GLRA3: variants seen among roughly 807,000 people sequenced by gnomAD.
GLRA3 encodes glycine receptor subunit alpha-3.
A neutral mutation model predicts 60.4 loss-of-function variants in GLRA3; 44 were observed. The observed-to-expected ratio is 0.73, with a 90% CI of 0.57 to 0.94. The LOEUF (loss-of-function observed/expected upper bound fraction) is 0.94. Among genes scored for constraint, GLRA3 ranks in the 40% least tolerant of loss-of-function variants. The pLI, the probability that GLRA3 is intolerant of heterozygous loss-of-function variation, is 0.00. For missense variants in GLRA3, 508 were observed against 564.6 expected (o/e 0.90, Z 1.02); for synonymous variants, 223 against 192.9 (o/e 1.16, Z -1.29).
intron 3 of GLRA3, among the ~76,000 whole-genome samples, chr4:174,729,099 G>T (rs1371293248): frequency 1.3e-5 from 2 of 152,140 alleles, no homozygotes; most frequent in African/African-American, 4.8e-5. Context: ...TGTCTTCAGT[G>T]ACCTATATGC....
chr4:174,801,168 T>C (rs1739797351), intron 1 of GLRA3, among the ~76,000 whole-genome samples: 1 of 152,098 alleles, frequency 6.6e-6, no homozygotes, highest in East Asian at 1.9e-4. Context: ...GAGCAACATC[T>C]GTATTTACTC....
At position 174,829,213 on chromosome 4, in the gene GLRA3, G is replaced by A. The variant is rs2111420800; in HGVS notation, c.-402C>T. 1.2e-5 allele frequency: 2 copies of A among 162,520 alleles called. No individual in the cohort carries two copies. The highest frequency in any genetic ancestry group is 1.3e-5 in the Non-Finnish European group (1 of 74,592). The allele number at this position is 162,520 out of a possible 1,614,324, so 10.1% of individuals were successfully genotyped here. A position where few individuals can be genotyped will look rare whatever the true frequency, so the allele number is the denominator to read the frequency against. On this transcript the variant is annotated 5_prime_UTR_variant, in exon 1 of 10. Transcript: ENST00000274093. ...GGACGCCTCTCCACCTGCTCCAAGC[G>A]CCGCCCGCCGGAATCCAGCTCTCCA...
At chr4:174,705,113 C>T (rs756142639) in intron 5 of GLRA3, among the ~76,000 whole-genome samples, 2 of 144,000 alleles carry the variant, frequency 1.4e-5, no homozygotes, top group Non-Finnish European at 3.1e-5. Context: ...ATGTTTGTCC[C>T]TTCATAACTC....
chr4:174,790,984 A>G (rs1739323429), intron 1 of GLRA3, among the ~76,000 whole-genome samples: 1 of 147,384 alleles, frequency 6.8e-6, no homozygotes, highest in South Asian at 2.2e-4. Flanking sequence ...AGCCTGGACC[A>G]CACAGCGAGA....
In GLRA3 at chr4:174,715,483, CT is replaced by C; in HGVS notation, c.574+4del. The C allele has an allele frequency of 7.1e-7, 1 of 1,416,376 alleles. No individual in the cohort carries two copies. Among genetic ancestry groups the C allele is most frequent in the Non-Finnish European group, 9.9e-7 (1 of 1,006,198 alleles). 87.7% of individuals were successfully genotyped at this position (1,416,376 alleles called of 1,614,324 possible). A position where few individuals can be genotyped will look rare whatever the true frequency, so the allele number is the denominator to read the frequency against. Reference sequence around the variant, plus strand: ...TATTTTAAAAAGTAAGTGGTTCATACTTACAGCTTTCCAGTTGCATTATACA... The same window carrying C: ...TATTTTAAAAAGTAAGTGGTTCATACTACAGCTTTCCAGTTGCATTATACA... On this transcript the variant is annotated splice_donor_region_variant and intron_variant, in intron 5 of 9. Coordinates refer to ENST00000274093, the MANE Select transcript of GLRA3 (RefSeq NM_006529.4).
chr4:174,755,877 A>C (rs1047175652), intron 3 of GLRA3, among the ~76,000 whole-genome samples: 1 of 152,108 alleles, frequency 6.6e-6, no homozygotes, highest in African/African-American at 2.4e-5. Flanking sequence ...AACGAATAAA[A>C]ATACACCCAT....
chr4:174,701,580 T>C (rs1735322537), intron 5 of GLRA3, among the ~76,000 whole-genome samples: 1 of 152,218 alleles, frequency 6.6e-6, no homozygotes, highest in Non-Finnish European at 1.5e-5. Flanking sequence ...ATAGCTGCCA[T>C]AGATAGTGAT....
intron 1 of GLRA3, among the ~76,000 whole-genome samples, chr4:174,795,795 TTA>T (rs1739542400): frequency 1.3e-5 from 2 of 152,140 alleles, no homozygotes; most frequent in African/African-American, 4.8e-5. Context: ...GTTCAGTCGA[TTA>T]CTCTGTGTGG....
At chr4:174,675,571 T>A (rs1734086917) in intron 7 of GLRA3, among the ~76,000 whole-genome samples, 1 of 152,140 alleles carries the variant, frequency 6.6e-6, no homozygotes, top group East Asian at 1.9e-4. Flanking sequence ...ACGATTTCCT[T>A]TACAAATTAA....
chr4:174,802,456 G>A (rs143036359), intron 1 of GLRA3, among the ~76,000 whole-genome samples: 7 of 152,102 alleles, frequency 4.6e-5, no homozygotes, highest in East Asian at 3.9e-4. Context: ...CTGACTACAC[G>A]CTTTCTGTTG....
rs1740596526 is a variant in GLRA3 at position 174,818,419 on chromosome 4, C to A, written c.71+10322G>T. Among the ~76,000 whole-genome samples, 6 of 152,022 alleles carry A rather than the reference C, an allele frequency of 3.9e-5. No homozygotes were observed. In the South Asian group the frequency reaches 1.0e-3, roughly 26 times the overall value. ...CCCACAGGGAATGATATGTACTTTGCCCTTTTGAAATAGAGCAAAATTTTA... is the reference window on the plus strand; with the variant it reads ...CCCACAGGGAATGATATGTACTTTGACCTTTTGAAATAGAGCAAAATTTTA... On this transcript the variant is annotated intron_variant, in intron 1 of 9. Coordinates refer to ENST00000274093, the MANE Select transcript of GLRA3 (RefSeq NM_006529.4).
At chr4:174,738,180 C>A (rs752914078) in intron 3 of GLRA3, among the ~76,000 whole-genome samples, 31 of 152,128 alleles carry the variant, frequency 2.0e-4, no homozygotes, top group Non-Finnish European at 3.8e-4. Flanking sequence ...AATATTGCTG[C>A]CTCATTTAGG....
In GLRA3 at chr4:174,643,092, T is replaced by G; in HGVS notation, c.*694A>C. 1.1e-6 allele frequency: 1 copy of G among 933,846 alleles called. No individual in the cohort carries two copies. The highest frequency in any genetic ancestry group is 1.3e-6 in the Non-Finnish European group (1 of 784,196). 57.8% of individuals were successfully genotyped at this position (933,846 alleles called of 1,614,324 possible). On this transcript the variant is annotated 3_prime_UTR_variant, in exon 10 of 10. Transcript: ENST00000274093. ...AAAGTTGTTTCCCGTATTTCCACCTTCGTTCCTAGAGATACAAAGTTTAAG... is the reference window on the plus strand; with the variant it reads ...AAAGTTGTTTCCCGTATTTCCACCTGCGTTCCTAGAGATACAAAGTTTAAG...
chr4:174,715,396 T>C (rs1735875515), intron 5 of GLRA3, 92 bp downstream of exon 5: 1 of 680,966 alleles, frequency 1.5e-6, no homozygotes, highest in Non-Finnish European at 2.6e-6. Context: ...GTGACCAAAA[T>C]GATTACAAAA....
rs1579375196 is a variant in GLRA3 at position 174,642,370 on chromosome 4, C to T, written c.*1416G>A. The T allele has an allele frequency of 1.0e-6, 1 of 974,850 alleles. No homozygotes were observed. The highest frequency in any genetic ancestry group is 1.1e-4 in the East Asian group (1 of 8,752). 60.4% of individuals were successfully genotyped at this position (974,850 alleles called of 1,614,324 possible). ...TTTTCTCTGTGAATAATTTGGTGGA[C>T]TGAGTTTGTGCATCTGACCAATAAT... is the stretch of plus-strand genomic sequence containing the variant. On this transcript the variant is annotated 3_prime_UTR_variant, in exon 10 of 10. Coordinates refer to ENST00000274093, the MANE Select transcript of GLRA3 (RefSeq NM_006529.4).
intron 3 of GLRA3, among the ~76,000 whole-genome samples, chr4:174,743,480 G>T (rs191713774): frequency 4.0e-5 from 6 of 151,884 alleles, no homozygotes; most frequent in African/African-American, 1.2e-4. Context: ...ATGTCCCTCA[G>T]TTTGGGTTTG....
intron 5 of GLRA3, among the ~76,000 whole-genome samples, chr4:174,689,092 A>G (rs1441480157): frequency 6.6e-6 from 1 of 152,204 alleles, no homozygotes; most frequent in African/African-American, 2.4e-5. Flanking sequence ...TTTAAAGTAG[A>G]TGAACTCTAA....
intron 6 of GLRA3, among the ~76,000 whole-genome samples, chr4:174,682,497 T>C (rs1178923069): frequency 6.6e-6 from 1 of 152,218 alleles, no homozygotes; most frequent in Non-Finnish European, 1.5e-5. Flanking sequence ...AAAAACACAT[T>C]TTATTGTTCA....
intron 1 of GLRA3, among the ~76,000 whole-genome samples, chr4:174,824,331 A>C (rs933497587): frequency 1.3e-5 from 2 of 152,204 alleles, no homozygotes; most frequent in South Asian, 4.1e-4. Context: ...CTCTTAAATA[A>C]TTGCTATCAC....
Sources: gnomAD v4.1 joint callset for allele counts (sites outside exome capture counted in the v4.1 genomes callset) on GRCh38, gnomAD v4.1.1 for gene constraint, MANE v1.5 for transcripts, NCBI Gene and HGNC (gene_info 2026-07-23, HGNC 2026-07-21) for gene names.